Variants in THADA observed in about 807,000 individuals in gnomAD.
THADA encodes the protein tRNA (32-2'-O)-methyltransferase regulator THADA.
Under a neutral mutation model 219.8 loss-of-function variants are expected in THADA, and 213 were observed. That is an observed-to-expected ratio of 0.97 (90% CI 0.87 to 1.09). The LOEUF (loss-of-function observed/expected upper bound fraction) is 1.09, where lower values mean the gene tolerates loss of function less well. THADA is among the 50% of genes least tolerant of loss of function. The probability of loss-of-function intolerance (pLI) is 0.00; values close to 1 mark genes in which losing one functional copy is unlikely to be tolerated. For missense variants in THADA, 2,956 were observed against 2,311.3 expected, an observed-to-expected ratio of 1.28 and a Z score of -5.72; for synonymous variants, 1,018 against 828.9, an observed-to-expected ratio of 1.23 and a Z score of -3.92.
At chr2:43,297,934 C>T (rs1675747979) in intron 31 of THADA, among the ~76,000 whole-genome samples, 1 of 108,430 alleles carries the variant, frequency 9.2e-6, no homozygotes, top group South Asian at 3.0e-4. Context: ...GGCCAGCCGC[C>T]ATCCGGGAGG....
At chr2:43,380,897 G>A (rs533435715) in intron 29 of THADA, among the ~76,000 whole-genome samples, 9 of 152,066 alleles carry the variant, frequency 5.9e-5, no homozygotes, top group Admixed American at 2.0e-4. Flanking sequence ...TTAGGAGTTC[G>A]AGACCAGCCT....
intron 26 of THADA, among the ~76,000 whole-genome samples, chr2:43,461,573 G>A (rs1683647944): frequency 1.3e-5 from 2 of 152,162 alleles, no homozygotes; most frequent in African/African-American, 4.8e-5. Context: ...GGTTAATAGA[G>A]TCTTTGTTCA....
At chr2:43,575,758 G>C (rs1266282474) in intron 10 of THADA, among the ~76,000 whole-genome samples, 1 of 152,066 alleles carries the variant, frequency 6.6e-6, no homozygotes, top group Admixed American at 6.5e-5. Context: ...GGCTGGTCTT[G>C]AACTCCTGAC....
chr2:43,420,608 T>C (rs1677588041), intron 28 of THADA, among the ~76,000 whole-genome samples: 1 of 152,212 alleles, frequency 6.6e-6, no homozygotes, highest in African/African-American at 2.4e-5. Context: ...CCCTACAAGT[T>C]CTGTTTTTCT....
intron 28 of THADA, among the ~76,000 whole-genome samples, chr2:43,420,576 A>G (rs1164830675): frequency 1.3e-5 from 2 of 152,234 alleles, no homozygotes; most frequent in African/African-American, 2.4e-5. Context: ...GGGATAACAG[A>G]TAACACTGAA....
At chr2:43,491,658 G>A (rs575497288) in intron 25 of THADA, among the ~76,000 whole-genome samples, 1 of 152,126 alleles carries the variant, frequency 6.6e-6, no homozygotes, top group African/African-American at 2.4e-5. Flanking sequence ...TTGTAGCCTA[G>A]GAATAATAAG....
rs1042940516 is a variant in THADA, at chr2:43,566,800, T to A, written c.2209A>T (p.Asn737Tyr). 2.7e-6 allele frequency: 4 copies of A among 1,487,788 alleles called. No individual in the cohort carries two copies. The highest frequency in any genetic ancestry group is 3.6e-6 in the Non-Finnish European group (4 of 1,122,728). The allele number at this position is 1,487,788 out of a possible 1,614,324, so 92.2% of individuals were successfully genotyped here. ...GGAAACAATGCTTCAAAAAGACTGTTACAAATGGATGACATGAAATTCTTA... is the reference window on the plus strand; with the variant it reads ...GGAAACAATGCTTCAAAAAGACTGTAACAAATGGATGACATGAAATTCTTA... ...QYKNFMSSIC[N>Y]SLFEALFPGS... Residue 737 changes from asparagine to tyrosine, a missense_variant, in exon 15 of 38, where the codon AAC becomes TAC. Physicochemically the swap from Asn to Tyr is moderately radical, Grantham distance 143 (BLOSUM62 -2). Coordinates refer to ENST00000405975, the MANE Select transcript of THADA (RefSeq NM_022065.5).
intron 29 of THADA, chr2:43,372,038 T>C (rs1480408267): frequency 1.3e-5 from 2 of 152,182 alleles, no homozygotes; most frequent in Admixed American, 6.5e-5. Context: ...CATCCAAACA[T>C]ATTCTCCCAT....
rs541110946 is a variant in THADA, at chr2:43,532,797, G to A, written c.3265-4809C>T. On this transcript the variant is annotated intron_variant, in intron 21 of 37. Transcript: ENST00000405975. ...AAACAAAACCATAAAAACCCTAGAA[G>A]AAAACCTAGGCAATACCATTCACGA... is the stretch of plus-strand genomic sequence containing the variant. Among the ~76,000 whole-genome samples the A allele has an allele frequency of 2.2e-4, 34 of 152,266 alleles. 1 individual carries two copies. Among genetic ancestry groups the A allele is most frequent in the Admixed American group, 1.8e-3 (28 of 15,298 alleles).
intron 31 of THADA, among the ~76,000 whole-genome samples, chr2:43,297,773 G>C (rs1363098032): frequency 8.5e-6 from 1 of 117,484 alleles, no homozygotes; most frequent in African/African-American, 3.6e-5. Context: ...GGAGGGAGGT[G>C]GGGGGGTCGG....
chr2:43,545,018 C>G (rs1412571497), intron 20 of THADA, among the ~76,000 whole-genome samples: 1 of 152,152 alleles, frequency 6.6e-6, no homozygotes, highest in Non-Finnish European at 1.5e-5. Context: ...GGGTTTGTCA[C>G]AGATAGCTCT....
chr2:43,520,713 T>TATATACACACACAC (rs1218079783), intron 22 of THADA, among the ~76,000 whole-genome samples: 13 of 125,124 alleles, frequency 1.0e-4, no homozygotes, highest in African/African-American at 3.9e-4. Context: ...TATATATATA[T>TATATACACACACAC]ACACACACAC....
At chr2:43,458,999 C>G (rs916144218) in intron 26 of THADA, among the ~76,000 whole-genome samples, 3 of 152,138 alleles carry the variant, frequency 2.0e-5, no homozygotes, top group Non-Finnish European at 4.4e-5. Context: ...TACCACTTGT[C>G]TTGTCTACAT....
At chr2:43,410,641 C>T (rs1366284731) in intron 28 of THADA, among the ~76,000 whole-genome samples, 1 of 151,710 alleles carries the variant, frequency 6.6e-6, no homozygotes, top group Non-Finnish European at 1.5e-5. Context: ...AAATAGAATG[C>T]ATCCTGTATG....
At chr2:43,575,359 A>C (rs1574329868) in intron 10 of THADA, among the ~76,000 whole-genome samples, 1 of 152,268 alleles carries the variant, frequency 6.6e-6, no homozygotes, top group East Asian at 1.9e-4. Flanking sequence ...CTGAGGTGGG[A>C]GGATTGCTTG....
chr2:43,594,121 GAAACAGCTCCCTA>G (rs1440954219), intron 1 of THADA, among the ~76,000 whole-genome samples: 1 of 152,038 alleles, frequency 6.6e-6, no homozygotes, highest in East Asian at 1.9e-4. Context: ...TTGGACTCCT[GAAACAGCTCCCTA>G]ACTGGTCTCC....
At chr2:43,527,847 T>G (rs1384976633) in intron 22 of THADA, 32 bp downstream of exon 22, 1 of 1,492,842 alleles carries the variant, frequency 6.7e-7, no homozygotes, top group Non-Finnish European at 9.3e-7. Flanking sequence ...TTTAGTCTTT[T>G]TAAAACGTAC....
At chr2:43,366,674 T>G (rs779282885) in intron 29 of THADA, among the ~76,000 whole-genome samples, 36 of 152,170 alleles carry the variant, frequency 2.4e-4, no homozygotes, top group Admixed American at 1.0e-3. Context: ...ACCATCTAAG[T>G]AAAACAAAAA....
intron 22 of THADA, among the ~76,000 whole-genome samples, chr2:43,519,720 C>A (rs1379218873): frequency 6.6e-6 from 1 of 152,192 alleles, no homozygotes; most frequent in Non-Finnish European, 1.5e-5. Flanking sequence ...TTTAAGAAAT[C>A]TTTTGTTGAA....
Sources: gnomAD v4.1 joint callset for allele counts (sites outside exome capture counted in the v4.1 genomes callset) on GRCh38, gnomAD v4.1.1 for gene constraint, MANE v1.5 for transcripts, NCBI Gene and HGNC (gene_info 2026-07-23, HGNC 2026-07-21) for gene names.